GOLGA1: variants seen among roughly 807,000 people sequenced by gnomAD.
The protein encoded by GOLGA1 is golgin subfamily A member 1.
GOLGA1 carries 63 observed loss-of-function variants against 119.7 expected under a neutral mutation model. The ratio of observed to expected loss-of-function variants is 0.53; its 90% CI spans 0.43 to 0.65. The LOEUF is 0.65. Among genes scored for constraint, GOLGA1 ranks in the 30% least tolerant of loss-of-function variants. The probability of loss-of-function intolerance (pLI) is 0.00; values close to 1 mark genes in which losing one functional copy is unlikely to be tolerated. For synonymous variants in GOLGA1, 318 were observed against 333.4 expected, an observed-to-expected ratio of 0.95 and a Z score of 0.50; for missense variants, 798 against 912.8, an observed-to-expected ratio of 0.87 and a Z score of 1.62.
chr9:124,933,148 A>G (rs912850440), intron 3 of GOLGA1, among the ~76,000 whole-genome samples: 3 of 152,238 alleles, frequency 2.0e-5, no homozygotes, highest in African/African-American at 7.2e-5. Flanking sequence ...TAACAGCAGC[A>G]GCAGCAACAG....
At chr9:124,937,539 G>A (rs1031201273) in intron 3 of GOLGA1, among the ~76,000 whole-genome samples, 1 of 151,928 alleles carries the variant, frequency 6.6e-6, no homozygotes, top group African/African-American at 2.4e-5. Flanking sequence ...GCTGAGGCAG[G>A]AGAACTGCTT....
At chr9:124,900,970 AT>A (rs1214606701) in intron 12 of GOLGA1, among the ~76,000 whole-genome samples, 4,914 of 136,684 alleles carry the variant, frequency 0.036, 163 homozygotes, top group East Asian at 0.2. Context: ...TTCACACAGT[AT>A]TTTTTTTTTT....
At chr9:124,910,617 C>G (rs1830321638) in intron 11 of GOLGA1, among the ~76,000 whole-genome samples, 1 of 152,174 alleles carries the variant, frequency 6.6e-6, no homozygotes, top group Admixed American at 6.5e-5. Flanking sequence ...GATTAAATTA[C>G]TTGCTCTAAG....
At chr9:124,919,463 T>C (rs1471282921) in intron 10 of GOLGA1, among the ~76,000 whole-genome samples, 1 of 152,150 alleles carries the variant, frequency 6.6e-6, no homozygotes, top group Non-Finnish European at 1.5e-5. Flanking sequence ...CACGTATATA[T>C]TTACTGGGTG....
intron 6 of GOLGA1, among the ~76,000 whole-genome samples, chr9:124,927,929 T>A (rs113695429): frequency 2.1e-4 from 32 of 152,334 alleles, no homozygotes; most frequent in African/African-American, 7.0e-4. Flanking sequence ...AGATTACAGA[T>A]ACACTATTTC....
chr9:124,881,123 A>T lies in GOLGA1; in HGVS notation c.2223+48T>A. On this transcript the variant is annotated intron_variant, in intron 22 of 22. Coordinates refer to ENST00000373555, the MANE Select transcript of GOLGA1 (RefSeq NM_002077.4). The surrounding 1 kb of genome is among the most constrained non-coding windows in gnomAD (Gnocchi z 4.9). ...GTCTTACACTGCTACTGCTGGGATAACTGACAACGTATCTTGGAAGCTGGA... is the reference window on the plus strand; with the variant it reads ...GTCTTACACTGCTACTGCTGGGATATCTGACAACGTATCTTGGAAGCTGGA... The T allele has an allele frequency of 1.0e-6, 1 of 992,656 alleles. No homozygotes were observed. Among genetic ancestry groups the T allele is most frequent in the Non-Finnish European group, 1.6e-6 (1 of 611,142 alleles). 61.5% of individuals were successfully genotyped at this position (992,656 alleles called of 1,614,324 possible). A position where few individuals can be genotyped will look rare whatever the true frequency, so the allele number is the denominator to read the frequency against.
chr9:124,923,108 T>C lies in GOLGA1; in HGVS notation c.548A>G (p.Lys183Arg). 13 of 1,607,572 alleles carry C rather than the reference T, an allele frequency of 8.1e-6. No homozygotes were observed. The highest frequency in any genetic ancestry group is 1.1e-5 in the South Asian group (1 of 89,812). ...AAAAATGCATACCATGTGCTTTATTTTACTTAGTTCCTGCTGCTGGAACCC... is the reference window on the plus strand; with the variant it reads ...AAAAATGCATACCATGTGCTTTATTCTACTTAGTTCCTGCTGCTGGAACCC... ...LEGFQQQELS[K>R]IKHMLLKKEE... is the part of the protein sequence containing the mutation. Residue 183 changes from lysine to arginine, a missense_variant, in exon 8 of 23, where the codon AAA (lysine) becomes AGA (arginine). Transcript: ENST00000373555.
At position 124,937,642 on chromosome 9, in the gene GOLGA1, A is replaced by G. The variant is rs530496934; in HGVS notation, c.135+935T>C. On this transcript the variant is annotated intron_variant, in intron 3 of 22. Coordinates refer to ENST00000373555, the MANE Select transcript of GOLGA1 (RefSeq NM_002077.4). ...TGAGACTCTGTCTCAAAAAAAAAAA[A>G]AAGAAGAGAAAAGAAATTTATCTAA... 1.9e-3 allele frequency among the ~76,000 whole-genome samples: 285 copies of G among 152,062 alleles called. 1 individual carries two copies. Among genetic ancestry groups the G allele is most frequent in the Admixed American group, 6.7e-3 (102 of 15,270 alleles).
intron 7 of GOLGA1, among the ~76,000 whole-genome samples, chr9:124,923,557 A>G (rs1830611446): frequency 6.6e-6 from 1 of 152,240 alleles, no homozygotes; most frequent in Non-Finnish European, 1.5e-5. Context: ...CTTTAATTGA[A>G]TTAATCCTTT....
chr9:124,934,600 G>C (rs1335510922), intron 3 of GOLGA1, among the ~76,000 whole-genome samples: 1 of 152,198 alleles, frequency 6.6e-6, no homozygotes, highest in Non-Finnish European at 1.5e-5. Flanking sequence ...AGTACAGTGA[G>C]ATAATGCTGG....
chr9:124,946,639 G>A lies in GOLGA1; in HGVS notation c.-156+1279C>T, dbSNP rs1190313290. ...CATTGATACTTGGCAACATTCTATA[G>A]GTTCACAAATTGGCATTGCACGTAT... On this transcript the variant is annotated intron_variant, in intron 1 of 4. Coordinates refer to the GOLGA1 transcript ENST00000421514. This position sits in a 1 kb window ranked among gnomAD's most constrained non-coding sequence, Gnocchi z 4.0. 6.6e-6 allele frequency: 1 copy of A among 152,132 alleles called. No homozygotes were observed. The highest frequency in any genetic ancestry group is 1.5e-5 in the Non-Finnish European group (1 of 68,028). The allele number at this position is 152,132 out of a possible 1,614,324, so 9.4% of individuals were successfully genotyped here.
At chr9:124,884,162 C>T (rs937850491) in intron 19 of GOLGA1, among the ~76,000 whole-genome samples, 31 of 152,022 alleles carry the variant, frequency 2.0e-4, no homozygotes, top group African/African-American at 7.5e-4. Context: ...CAGGTGTGTG[C>T]CACCACGCCC....
chr9:124,906,471 C>T (rs976769210), intron 12 of GOLGA1, among the ~76,000 whole-genome samples: 2 of 150,734 alleles, frequency 1.3e-5, no homozygotes, highest in Non-Finnish European at 1.5e-5. Flanking sequence ...CATCACAGGC[C>T]GGGCGCGGTG....
At position 124,908,406 on chromosome 9, in the gene GOLGA1, C is replaced by T. The variant is rs752034801; in HGVS notation, c.1036G>A (p.Ala346Thr). 3.5e-5 allele frequency: 56 copies of T among 1,609,432 alleles called. No individual in the cohort carries two copies. Among genetic ancestry groups the T allele is most frequent in the Non-Finnish European group, 4.3e-5 (51 of 1,175,784 alleles). Residue 346 changes from alanine to threonine, a missense_variant, in exon 12 of 23, where the codon GCT becomes ACT. Coordinates refer to ENST00000373555, the MANE Select transcript of GOLGA1 (RefSeq NM_002077.4). Reference protein sequence around the residue: ...QQLLAARSSQAKAINTLETRV... With the variant: ...QQLLAARSSQTKAINTLETRV... ...GTCTCCAGGGTGTTAATGGCCTTAGCCTGGCTGCTTCTGGCTGCCAAGAGC... is the reference window on the plus strand; with the variant it reads ...GTCTCCAGGGTGTTAATGGCCTTAGTCTGGCTGCTTCTGGCTGCCAAGAGC...
chr9:124,889,132 C>T lies in GOLGA1; in HGVS notation c.1761+11G>A. On this transcript the variant is annotated intron_variant, in intron 18 of 22. Coordinates refer to ENST00000373555, the MANE Select transcript of GOLGA1 (RefSeq NM_002077.4). ...TGCTGTAGCACCCATGCAGGTGCAGCTGGGACTTACGTGCGACTCATTGAC... is the reference window on the plus strand; with the variant it reads ...TGCTGTAGCACCCATGCAGGTGCAGTTGGGACTTACGTGCGACTCATTGAC... The T allele has an allele frequency of 6.3e-7, 1 of 1,599,338 alleles. No individual in the cohort carries two copies. Among genetic ancestry groups the T allele is most frequent in the Non-Finnish European group, 8.5e-7 (1 of 1,171,636 alleles).
At position 124,886,747 on chromosome 9, in the gene GOLGA1, G is replaced by A. The variant is rs1277212420; in HGVS notation, c.1905+1506C>T. 2.0e-5 allele frequency among the ~76,000 whole-genome samples: 3 copies of A among 152,248 alleles called. No individual in the cohort carries two copies. The East Asian group carries it at 5.8e-4, about 29-fold the overall frequency. On this transcript the variant is annotated intron_variant, in intron 19 of 22. Transcript: ENST00000373555. ...AGTGCTTGGGGAGGTGGGGGAACAG[G>A]ATATGAGGAGAGGCTGTGGCACGTC...
intron 3 of GOLGA1, among the ~76,000 whole-genome samples, chr9:124,938,082 C>T (rs1002235663): frequency 6.1e-5 from 4 of 66,114 alleles, no homozygotes; most frequent in Non-Finnish European, 1.3e-4. Flanking sequence ...GAATCCATCT[C>T]AAAAAAAAAA....
chr9:124,932,543 C>T (rs2131526107), intron 3 of GOLGA1, among the ~76,000 whole-genome samples: 1 of 152,320 alleles, frequency 6.6e-6, no homozygotes. Flanking sequence ...TCTGTGATAA[C>T]AAACAGCATT....
In GOLGA1 at chr9:124,889,424, G is replaced by A. The variant is rs373364298; in HGVS notation, c.1600+10C>T. 1.6e-5 allele frequency: 25 copies of A among 1,603,880 alleles called. No individual in the cohort carries two copies. In the Admixed American group the frequency reaches 2.0e-4, roughly 13 times the overall value. ...AGGAGAGAAGGCTCAGCCAGGGACCGACTCCTCACCTCGCTCCAGCTGGAG... is the reference window on the plus strand; with the variant it reads ...AGGAGAGAAGGCTCAGCCAGGGACCAACTCCTCACCTCGCTCCAGCTGGAG... On this transcript the variant is annotated intron_variant, in intron 17 of 22. Transcript: ENST00000373555.
Sources: allele counts gnomAD v4.1 joint callset (sites outside exome capture counted in the v4.1 genomes callset), GRCh38; gene constraint gnomAD v4.1.1; non-coding constraint Gnocchi (gnomAD v3.1); transcripts MANE v1.5; gene names NCBI Gene and HGNC (gene_info 2026-07-23, HGNC 2026-07-21).